WAPL: variants seen among roughly 807,000 people sequenced by gnomAD.
WAPL encodes WAPL cohesin release factor.
In WAPL, 5 loss-of-function variants were observed where a neutral mutation model predicts 121.0. The ratio of observed to expected loss-of-function variants is 0.04; its 90% confidence interval spans 0.02 to 0.09. The LOEUF (loss-of-function observed/expected upper bound fraction) is 0.09, where lower values mean the gene tolerates loss of function less well. Ranked by LOEUF, WAPL falls within the 10% of genes least tolerant of loss-of-function variation. WAPL has a pLI of 1.00. For synonymous variants in WAPL, 480 were observed against 481.5 expected, an observed-to-expected ratio of 1.00 and a Z score of 0.04; for missense variants, 999 against 1,410.8, an observed-to-expected ratio of 0.71 and a Z score of 4.68.
At chr10:86,444,669 G>A (rs1001537730) in intron 16 of WAPL, among the ~76,000 whole-genome samples, 1 of 152,118 alleles carries the variant, frequency 6.6e-6, no homozygotes, top group African/African-American at 2.4e-5. Context: ...GCCCAGGGAG[G>A]AGGGGAAAAT....
intron 17 of WAPL, among the ~76,000 whole-genome samples, chr10:86,442,089 C>T (rs947107754): frequency 2.6e-5 from 4 of 152,162 alleles, no homozygotes; most frequent in Non-Finnish European, 5.9e-5. Context: ...TGCAGTGGCA[C>T]GATCTTGGCT....
In WAPL at chr10:86,521,453, G is replaced by C. The variant is rs988800413; in HGVS notation, c.-111C>G. ...GCGGGCGGGCGCGGAACCCTCGCGC[G>C]GGAGAGCAGGGCCGGCAGGTGAGAG... On this transcript the variant is annotated 5_prime_UTR_variant, in exon 1 of 19. Transcript: ENST00000298767. The C allele has an allele frequency of 9.6e-6, 3 of 312,308 alleles. No individual in the cohort carries two copies. The highest frequency in any genetic ancestry group is 2.0e-5 in the Non-Finnish European group (3 of 153,632). 19.3% of individuals were successfully genotyped at this position (312,308 alleles called of 1,614,324 possible). A position where few individuals can be genotyped will look rare whatever the true frequency, so the allele number is the denominator to read the frequency against.
chr10:86,460,459 ATCC>A lies in WAPL; in HGVS notation c.2517_2519del (p.Glu839del), dbSNP rs1841243065. On this transcript the variant is annotated inframe_deletion, in exon 11 of 19. Coordinates refer to ENST00000298767, the MANE Select transcript of WAPL (RefSeq NM_015045.5). Reference sequence around the variant, plus strand: ...ATAGTGAGGCTACCAGTTTCTCTTCATCCTCATCTCTACTTAAATGATCCACAC... The same window carrying A: ...ATAGTGAGGCTACCAGTTTCTCTTCATCATCTCTACTTAAATGATCCACAC... The A allele has an allele frequency of 1.2e-6, 2 of 1,613,612 alleles. No homozygotes were observed. The highest frequency in any genetic ancestry group is 1.7e-6 in the Non-Finnish European group (2 of 1,179,974).
chr10:86,452,719 C>T (rs977413973), intron 14 of WAPL, among the ~76,000 whole-genome samples: 4 of 151,680 alleles, frequency 2.6e-5, no homozygotes, highest in Non-Finnish European at 2.9e-5. Flanking sequence ...TACATAGGGT[C>T]TTTTCATGGC....
At chr10:86,494,344 G>T (rs921509948) in intron 4 of WAPL, among the ~76,000 whole-genome samples, 1 of 152,146 alleles carries the variant, frequency 6.6e-6, no homozygotes, top group African/African-American at 2.4e-5. Flanking sequence ...AGCCAAACTA[G>T]CTACTTTTTT....
chr10:86,486,758 T>C (rs1051317704), intron 4 of WAPL, among the ~76,000 whole-genome samples: 7 of 152,140 alleles, frequency 4.6e-5, no homozygotes, highest in Non-Finnish European at 8.8e-5. Flanking sequence ...AGCCCGAGAC[T>C]AGCCTGGGAA....
At chr10:86,495,702 G>C (rs909015190) in intron 4 of WAPL, among the ~76,000 whole-genome samples, 1 of 152,010 alleles carries the variant, frequency 6.6e-6, no homozygotes, top group African/African-American at 2.4e-5. Flanking sequence ...TGCATCAAAG[G>C]ACAATATCAA....
intron 8 of WAPL, 119 bp downstream of exon 8, chr10:86,470,873 T>C (rs192856946): frequency 1.4e-5 from 11 of 772,878 alleles, no homozygotes; most frequent in African/African-American, 3.5e-5. Flanking sequence ...GCAAATAAAA[T>C]GAACTCAATC....
chr10:86,457,405 C>T (rs1480464806), intron 12 of WAPL, among the ~76,000 whole-genome samples: 1 of 149,706 alleles, frequency 6.7e-6, no homozygotes, highest in Admixed American at 6.7e-5. Flanking sequence ...GTAATCCCAA[C>T]ACTTTGGGAG....
intron 15 of WAPL, among the ~76,000 whole-genome samples, chr10:86,449,707 C>T (rs962594984): frequency 5.3e-5 from 8 of 152,030 alleles, no homozygotes; most frequent in African/African-American, 1.7e-4. Flanking sequence ...GCTCCTGAGG[C>T]GACTGACGGT....
intron 17 of WAPL, among the ~76,000 whole-genome samples, chr10:86,438,321 T>G (rs1413159881): frequency 6.6e-6 from 1 of 151,192 alleles, no homozygotes; most frequent in African/African-American, 2.4e-5. Flanking sequence ...TGGTGTAATC[T>G]CAGCTCACTG....
chr10:86,445,737 T>A lies in WAPL; in HGVS notation c.3322+505A>T, dbSNP rs190442012. ...GATGGGGTCTTGCTAGATTGTTGTCTCAAACTCCTAGCCTCAAGTAATCCT... is the reference window on the plus strand; with the variant it reads ...GATGGGGTCTTGCTAGATTGTTGTCACAAACTCCTAGCCTCAAGTAATCCT... On this transcript the variant is annotated intron_variant, in intron 16 of 18. Transcript: ENST00000298767. Among the ~76,000 whole-genome samples the A allele has an allele frequency of 2.0e-5, 3 of 152,180 alleles. No individual in the cohort carries two copies. In the East Asian group the frequency reaches 5.8e-4, roughly 29 times the overall value.
intron 10 of WAPL, 72 bp from the exon 11 acceptor site, chr10:86,460,568 A>G: frequency 8.0e-7 from 1 of 1,256,244 alleles, no homozygotes; most frequent in East Asian, 2.3e-5. Context: ...TTTAGCTAAC[A>G]TTAGAAGCCA....
At chr10:86,453,035 A>G (rs1394999705) in intron 14 of WAPL, among the ~76,000 whole-genome samples, 185 bp downstream of exon 14, 69 of 4,870 alleles carry the variant, frequency 0.014, no homozygotes, top group East Asian at 0.054. Flanking sequence ...AAAAAAAAAA[A>G]AAAAAAAAAA....
chr10:86,507,365 C>A (rs1414720988), intron 2 of WAPL, among the ~76,000 whole-genome samples: 284 of 77,592 alleles, frequency 3.7e-3, no homozygotes, highest in East Asian at 0.015. Flanking sequence ...GACTCTGTCT[C>A]AAAAAAAAAA....
intron 2 of WAPL, among the ~76,000 whole-genome samples, chr10:86,503,125 T>C (rs1287383400): frequency 6.6e-6 from 1 of 151,682 alleles, no homozygotes; most frequent in East Asian, 2.0e-4. Flanking sequence ...GTCACTGTAC[T>C]CCAACCTGGG....
At chr10:86,507,342 T>C (rs1339974941) in intron 2 of WAPL, among the ~76,000 whole-genome samples, 1 of 111,608 alleles carries the variant, frequency 9.0e-6, no homozygotes, top group Non-Finnish European at 1.7e-5. Context: ...CACTCCAGCC[T>C]GGGCGTCAGC....
chr10:86,455,114 G>A (rs1214635467), intron 12 of WAPL, among the ~76,000 whole-genome samples: 2 of 145,688 alleles, frequency 1.4e-5, no homozygotes, highest in African/African-American at 2.6e-5. Context: ...AGGTGGGGGG[G>A]TGCCTCTGCC....
At chr10:86,511,759 G>A (rs889272002) in intron 2 of WAPL, among the ~76,000 whole-genome samples, 20 of 151,998 alleles carry the variant, frequency 1.3e-4, no homozygotes, top group Admixed American at 4.6e-4. Context: ...ACTGAGACAC[G>A]GTCTCTACAA....
Sources: gnomAD v4.1 joint callset for allele counts (sites outside exome capture counted in the v4.1 genomes callset) on GRCh38, gnomAD v4.1.1 for gene constraint, MANE v1.5 for transcripts, NCBI Gene and HGNC (gene_info 2026-07-23, HGNC 2026-07-21) for gene names.